The following HDGFL3 variants were observed in gnomAD, a reference collection of about 807,000 sequenced individuals.
HDGFL3 encodes HDGF like 3.
HDGFL3 carries 6 observed loss-of-function variants against 27.6 expected under a neutral mutation model. That is an observed-to-expected ratio of 0.22 (90% CI 0.12 to 0.43). HDGFL3 has a LOEUF of 0.43. Among genes scored for constraint, HDGFL3 ranks in the 20% least tolerant of loss-of-function variants. The probability of loss-of-function intolerance (pLI) is 1.00; values close to 1 mark genes in which losing one functional copy is unlikely to be tolerated. For missense variants in HDGFL3, 207 were observed against 250.1 expected, an observed-to-expected ratio of 0.83 and a Z score of 1.16; for synonymous variants, 88 against 88.9, an observed-to-expected ratio of 0.99 and a Z score of 0.05.
rs183928385 is a variant in HDGFL3, at chr15:83,139,718, C to T, written c.607-443G>A. ...CAATTAATCTTCAGAATATTTATAA[C>T]TTAATTACTTGTGACACATAGCTCA... On this transcript the variant is annotated intron_variant, in intron 5 of 5. Coordinates refer to ENST00000299633, the MANE Select transcript of HDGFL3 (RefSeq NM_016073.4). 6.6e-5 allele frequency among the ~76,000 whole-genome samples: 10 copies of T among 152,208 alleles called. No individual in the cohort carries two copies. The East Asian group carries it at 1.9e-3, about 29-fold the overall frequency.
intron 1 of HDGFL3, among the ~76,000 whole-genome samples, chr15:83,175,911 A>C (rs992026042): frequency 6.6e-6 from 1 of 152,186 alleles, no homozygotes; most frequent in Non-Finnish European, 1.5e-5. Context: ...GGCTGAACAC[A>C]CAACACCCAA....
chr15:83,174,931 A>G (rs2037290793), intron 1 of HDGFL3, among the ~76,000 whole-genome samples: 1 of 151,800 alleles, frequency 6.6e-6, no homozygotes, highest in Non-Finnish European at 1.5e-5. Flanking sequence ...TTTGGCTCAT[A>G]CAGTGTTTTT....
At chr15:83,113,852 A>G (rs2034414811) in exon 4 of HDGFL3, 1 of 152,180 alleles carries the variant, frequency 6.6e-6, no homozygotes, top group South Asian at 2.1e-4. Context: ...CCATATTCCA[A>G]TGGCTGAGAT....
intron 1 of HDGFL3, among the ~76,000 whole-genome samples, chr15:83,185,576 T>A (rs2037432526): frequency 6.6e-6 from 1 of 152,106 alleles, no homozygotes; most frequent in African/African-American, 2.4e-5. Context: ...GGCGAGAGGA[T>A]CATAGCAGAA....
At chr15:83,148,342 C>T (rs1729475975) in intron 5 of HDGFL3, among the ~76,000 whole-genome samples, 1 of 152,072 alleles carries the variant, frequency 6.6e-6, no homozygotes, top group Admixed American at 6.6e-5. Flanking sequence ...AAAAAGCTGG[C>T]CGGGCACAGT....
In HDGFL3 at chr15:83,207,466, G is replaced by A. The variant is rs1262530696; in HGVS notation, c.-52C>T. On this transcript the variant is annotated 5_prime_UTR_variant, in exon 1 of 6. Coordinates refer to ENST00000299633, the MANE Select transcript of HDGFL3 (RefSeq NM_016073.4). The surrounding 1 kb of genome is among the most constrained non-coding windows in gnomAD (Gnocchi z 4.8). Reference sequence around the variant, plus strand: ...CTTGGTCGCCGCGAAGATGCCGGGAGGCCGCCCCCCCGCGGGCCGACGAAT... The same window carrying A: ...CTTGGTCGCCGCGAAGATGCCGGGAAGCCGCCCCCCCGCGGGCCGACGAAT... The A allele has an allele frequency of 6.5e-6, 8 of 1,234,558 alleles. No homozygotes were observed. Among genetic ancestry groups the A allele is most frequent in the Non-Finnish European group, 7.2e-6 (7 of 973,618 alleles). The allele number at this position is 1,234,558 out of a possible 1,614,324, so 76.5% of individuals were successfully genotyped here. A position where few individuals can be genotyped will look rare whatever the true frequency, so the allele number is the denominator to read the frequency against.
At chr15:83,155,222 C>A (rs1289570617) in intron 4 of HDGFL3, among the ~76,000 whole-genome samples, 1 of 152,166 alleles carries the variant, frequency 6.6e-6, no homozygotes, top group Non-Finnish European at 1.5e-5. Flanking sequence ...AGGAAATGAT[C>A]CCTTAATTTA....
At chr15:83,116,536 G>A (rs1417937233) in intron 3 of HDGFL3, among the ~76,000 whole-genome samples, 1 of 152,250 alleles carries the variant, frequency 6.6e-6, no homozygotes, top group Admixed American at 6.5e-5. Flanking sequence ...TCCATGTTCA[G>A]ATAATGGGGA....
chr15:83,150,205 G>A (rs1231698682), intron 5 of HDGFL3, among the ~76,000 whole-genome samples: 1 of 152,138 alleles, frequency 6.6e-6, no homozygotes, highest in Non-Finnish European at 1.5e-5. Context: ...GAAATTGTTG[G>A]AGTTGTTGCT....
At chr15:83,163,713 C>T (rs1244358121) in intron 2 of HDGFL3, 2 of 321,354 alleles carry the variant, frequency 6.2e-6, no homozygotes, top group Non-Finnish European at 1.1e-5. Context: ...GGGAGTGGTA[C>T]AGAAACCACT....
rs1047516478 is a variant in HDGFL3, at chr15:83,129,863, CT to C, written c.*9406del. 8 of 151,228 alleles carry C rather than the reference CT, an allele frequency of 5.3e-5. No individual in the cohort carries two copies. The highest frequency in any genetic ancestry group is 7.3e-5 in the African/African-American group (3 of 41,094). 9.4% of individuals were successfully genotyped at this position (151,228 alleles called of 1,614,324 possible). A position where few individuals can be genotyped will look rare whatever the true frequency, so the allele number is the denominator to read the frequency against. The stretch of plus-strand genomic sequence containing the variant: ...GGTCTGAGGGCAGAGTAAGCCTTGC[CT>C]TTTTTTTTGGCCTGGTTCCTCTGCC... On this transcript the variant is annotated 3_prime_UTR_variant, in exon 6 of 6. Transcript: ENST00000299633.
chr15:83,203,428 GC>G (rs762976597), intron 1 of HDGFL3, among the ~76,000 whole-genome samples: 9 of 152,014 alleles, frequency 5.9e-5, no homozygotes, highest in Non-Finnish European at 1.2e-4. Flanking sequence ...TTTGGTGTGT[GC>G]CCGGTTGAGC....
chr15:83,170,876 C>CAAAAAAAAA (rs34510031), intron 1 of HDGFL3, among the ~76,000 whole-genome samples: 1 of 77,716 alleles, frequency 1.3e-5, no homozygotes, highest in Non-Finnish European at 2.8e-5. Flanking sequence ...ATTCAACAAG[C>CAAAAAAAAA]AAAAAAAAAA....
In HDGFL3 at chr15:83,131,133, T is replaced by A. The variant is rs1288512403; in HGVS notation, c.*8137A>T. ...AAACAAAACAAAACAAAAATAGGCA[T>A]TTTTCTGTAACTTTAATCAGCATCT... On this transcript the variant is annotated 3_prime_UTR_variant, in exon 6 of 6. Coordinates refer to ENST00000299633, the MANE Select transcript of HDGFL3 (RefSeq NM_016073.4). 1 of 152,102 alleles carries A rather than the reference T, an allele frequency of 6.6e-6. No individual in the cohort carries two copies. The highest frequency in any genetic ancestry group is 1.5e-5 in the Non-Finnish European group (1 of 68,040). 9.4% of individuals were successfully genotyped at this position (152,102 alleles called of 1,614,324 possible).
intron 5 of HDGFL3, among the ~76,000 whole-genome samples, chr15:83,148,456 C>A (rs541694826): frequency 1.3e-5 from 2 of 151,928 alleles, no homozygotes; most frequent in East Asian, 3.9e-4. Flanking sequence ...CCCGTCTCTA[C>A]TAAAAATACA....
chr15:83,117,908 G>A (rs1044180639), intron 3 of HDGFL3, among the ~76,000 whole-genome samples: 2 of 152,248 alleles, frequency 1.3e-5, no homozygotes. Flanking sequence ...GAGGGACACT[G>A]AGGGCTAGAC....
At chr15:83,171,035 C>T (rs2037240621) in intron 1 of HDGFL3, among the ~76,000 whole-genome samples, 1 of 152,072 alleles carries the variant, frequency 6.6e-6, no homozygotes, top group South Asian at 2.1e-4. Flanking sequence ...TATCTCACAC[C>T]AGTCATAATG....
chr15:83,172,654 A>G (rs916242664), intron 1 of HDGFL3, among the ~76,000 whole-genome samples: 3 of 152,042 alleles, frequency 2.0e-5, no homozygotes, highest in African/African-American at 4.8e-5. Flanking sequence ...CCTGGCCAAC[A>G]TGGTGAAACT....
chr15:83,206,540 C>G (rs1270530741), intron 1 of HDGFL3, among the ~76,000 whole-genome samples: 5 of 152,124 alleles, frequency 3.3e-5, no homozygotes, highest in African/African-American at 1.2e-4. Context: ...AGAAAAAGAG[C>G]CCAACGACAA....
Sources: gnomAD v4.1 joint callset for allele counts (sites outside exome capture counted in the v4.1 genomes callset) on GRCh38, gnomAD v4.1.1 for gene constraint, Gnocchi (gnomAD v3.1) non-coding constraint, MANE v1.5 for transcripts, NCBI Gene and HGNC (gene_info 2026-07-23, HGNC 2026-07-21) for gene names.